CCDC30: variants seen among roughly 807,000 people sequenced by gnomAD.
CCDC30 encodes coiled-coil domain containing 30.
A neutral mutation model predicts 100.2 loss-of-function variants in CCDC30; 70 were observed. The observed-to-expected ratio is 0.70, with a 90% CI of 0.58 to 0.85. CCDC30 has a LOEUF of 0.85. Ranked by LOEUF, CCDC30 falls within the 40% of genes least tolerant of loss-of-function variation. The probability of loss-of-function intolerance (pLI) is 0.00; values close to 1 mark genes in which losing one functional copy is unlikely to be tolerated. For missense variants in CCDC30, 652 were observed against 771.2 expected, an observed-to-expected ratio of 0.85 and a Z score of 1.83; for synonymous variants, 233 against 269.5, an observed-to-expected ratio of 0.86 and a Z score of 1.33.
At chr1:42,602,815 A>C (rs1286910539) in intron 10 of CCDC30, among the ~76,000 whole-genome samples, 2 of 152,296 alleles carry the variant, frequency 1.3e-5, no homozygotes, top group African/African-American at 4.8e-5. Flanking sequence ...CTTCATACCA[A>C]AACCAAAGAC....
intron 1 of CCDC30, among the ~76,000 whole-genome samples, chr1:42,467,307 C>T (rs1160153255): frequency 1.3e-5 from 2 of 152,174 alleles, no homozygotes; most frequent in Non-Finnish European, 2.9e-5. Context: ...GCCAGCCTGG[C>T]AGCAGGAACA....
At chr1:42,647,650 C>T (rs1647995409) in intron 15 of CCDC30, among the ~76,000 whole-genome samples, 1 of 152,188 alleles carries the variant, frequency 6.6e-6, no homozygotes, top group African/African-American at 2.4e-5. Flanking sequence ...GCACATAGAA[C>T]ATTTTTCAGA....
chr1:42,629,845 AC>A (rs953718474), intron 11 of CCDC30, among the ~76,000 whole-genome samples: 4 of 151,186 alleles, frequency 2.6e-5, no homozygotes, highest in African/African-American at 9.8e-5. Flanking sequence ...TGAACTCCTG[AC>A]CTCGTGATCC....
At chr1:42,473,617 AG>A (rs1643837233) in intron 1 of CCDC30, 1 of 248,300 alleles carries the variant, frequency 4.0e-6, no homozygotes, top group African/African-American at 2.2e-5. Flanking sequence ...TTTTTTTTGA[AG>A]GCTTGGAAAC....
intron 4 of CCDC30, among the ~76,000 whole-genome samples, chr1:42,490,674 A>G (rs1402154933): frequency 6.6e-6 from 1 of 152,052 alleles, no homozygotes; most frequent in Non-Finnish European, 1.5e-5. Flanking sequence ...CTGAACACAC[A>G]TATCTCATCT....
At chr1:42,482,694 C>T (rs1191375280) in exon 3 of CCDC30, 2 of 1,233,632 alleles carry the variant, frequency 1.6e-6, no homozygotes, top group Non-Finnish European at 2.0e-6. Flanking sequence ...AAAGACAAAA[C>T]ATCACAAAAC....
intron 1 of CCDC30, chr1:42,464,338 ATTAAATT>A (rs1364470493): frequency 1.3e-5 from 2 of 152,250 alleles, no homozygotes; most frequent in African/African-American, 4.8e-5. Flanking sequence ...TCCTTGTTTC[ATTAAATT>A]TTATTGATGT....
downstream of CCDC30, among the ~76,000 whole-genome samples, chr1:42,655,456 A>T (rs1648625214): frequency 2.0e-5 from 3 of 152,152 alleles, no homozygotes; most frequent in African/African-American, 7.2e-5. Flanking sequence ...CTGAGGCAGG[A>T]GAATCACTTG....
intron 12 of CCDC30, among the ~76,000 whole-genome samples, chr1:42,642,008 A>G (rs2147312): frequency 0.26 from 39,586 of 151,954 alleles, 5,357 homozygotes; most frequent in Non-Finnish European, 0.28. Flanking sequence ...GGCGGATCAC[A>G]AGGTCAGGAG....
intron 6 of CCDC30, among the ~76,000 whole-genome samples, chr1:42,565,362 T>G (rs1045379730): frequency 6.6e-6 from 1 of 151,936 alleles, no homozygotes; most frequent in African/African-American, 2.4e-5. Context: ...ATAATCCAAT[T>G]TAAAAATAGG....
Position 42,499,744 on chromosome 1 carries a change from G to A in CCDC30, c.456+828G>A, listed in dbSNP as rs151208538. Reference sequence around the variant, plus strand: ...ATCTTCTTGCCTCCCAAAGTGCTGGGATTACAGGCATGTGCCACTGTTTCT... The same window carrying A: ...ATCTTCTTGCCTCCCAAAGTGCTGGAATTACAGGCATGTGCCACTGTTTCT... On this transcript the variant is annotated intron_variant, in intron 6 of 16. Coordinates refer to ENST00000668663, the Ensembl canonical transcript of CCDC30. Among the ~76,000 whole-genome samples, 302 of 151,702 alleles carry A rather than the reference G, an allele frequency of 2.0e-3. 2 individuals carry two copies. The highest frequency in any genetic ancestry group is 2.4e-3 in the Non-Finnish European group (163 of 67,926).
intron 10 of CCDC30, among the ~76,000 whole-genome samples, chr1:42,606,846 C>T (rs1254572018): frequency 6.6e-6 from 1 of 152,186 alleles, no homozygotes; most frequent in Non-Finnish European, 1.5e-5. Flanking sequence ...GGTTTCTCAA[C>T]ATTTCAAGAT....
At chr1:42,555,636 G>A (rs1225517807) in intron 6 of CCDC30, among the ~76,000 whole-genome samples, 1 of 152,112 alleles carries the variant, frequency 6.6e-6, no homozygotes, top group Non-Finnish European at 1.5e-5. Context: ...AACCTGTGAT[G>A]GGTCATCTCC....
chr1:42,505,993 T>C (rs1048066542), intron 6 of CCDC30, among the ~76,000 whole-genome samples: 4 of 152,360 alleles, frequency 2.6e-5, no homozygotes, highest in Non-Finnish European at 5.9e-5. Flanking sequence ...TGGATTCTTA[T>C]TGTACTGATG....
At chr1:42,618,961 G>C (rs1646778794) in intron 11 of CCDC30, among the ~76,000 whole-genome samples, 1 of 152,068 alleles carries the variant, frequency 6.6e-6, no homozygotes, top group African/African-American at 2.4e-5. Flanking sequence ...ATCCTATGCT[G>C]AGTAATATTC....
chr1:42,482,518 TACAC>T lies in CCDC30; in HGVS notation c.16-136_16-133del, dbSNP rs537424359. ...AAGGAAATACACAGACACACACACATACACACACACACTCACACACACAAAGAAA... is the reference window on the plus strand; with the variant it reads ...AAGGAAATACACAGACACACACACATACACACACTCACACACACAAAGAAA... On this transcript the variant is annotated intron_variant, in intron 2 of 16. Coordinates refer to ENST00000668663, the Ensembl canonical transcript of CCDC30. The T allele has an allele frequency of 8.5e-4, 359 of 420,034 alleles. 6 individuals carry two copies. Among genetic ancestry groups the T allele is most frequent in the Middle Eastern group, 1.7e-3 (3 of 1,722 alleles). The allele number at this position is 420,034 out of a possible 1,614,324, so 26.0% of individuals were successfully genotyped here. A position where few individuals can be genotyped will look rare whatever the true frequency, so the allele number is the denominator to read the frequency against.
chr1:42,575,340 T>G lies in CCDC30; in HGVS notation c.637-1680T>G, dbSNP rs151086916. Among the ~76,000 whole-genome samples, 792 of 152,184 alleles carry G rather than the reference T, an allele frequency of 5.2e-3. 7 individuals carry two copies. The highest frequency in any genetic ancestry group is 0.018 in the African/African-American group (765 of 41,518). On this transcript the variant is annotated intron_variant, in intron 7 of 16. Transcript: ENST00000668663. ...TCTGGTTCTTTGATAGGCCTTGGTA[T>G]TAAGACATGAATTAAAAACATAGTC...
At chr1:42,558,964 C>G (rs561629661) in intron 6 of CCDC30, among the ~76,000 whole-genome samples, 2 of 152,242 alleles carry the variant, frequency 1.3e-5, no homozygotes, top group East Asian at 3.9e-4. Flanking sequence ...ACTCTACAAG[C>G]CAGAAGAGAT....
chr1:42,639,914 C>G (rs1647266141), intron 12 of CCDC30, among the ~76,000 whole-genome samples: 2 of 146,126 alleles, frequency 1.4e-5, no homozygotes, highest in South Asian at 4.3e-4. Context: ...TGCAGTGAGC[C>G]AAGATTGCAC....
Sources: allele counts gnomAD v4.1 joint callset (sites outside exome capture counted in the v4.1 genomes callset), GRCh38; gene constraint gnomAD v4.1.1; transcripts MANE v1.5; gene names NCBI Gene and HGNC (gene_info 2026-07-23, HGNC 2026-07-21).